Variants in LRRTM1 observed in about 807,000 individuals in gnomAD.
The protein encoded by LRRTM1 is leucine rich repeat transmembrane neuronal 1.
LRRTM1 carries 8 observed loss-of-function variants against 37.3 expected under a neutral mutation model. The ratio of observed to expected loss-of-function variants is 0.21; its 90% CI spans 0.13 to 0.39. The LOEUF is 0.39. Ranked by LOEUF, LRRTM1 falls within the 10% of genes least tolerant of loss-of-function variation. The pLI is 1.00. For missense variants in LRRTM1, 557 were observed against 691.0 expected, an observed-to-expected ratio of 0.81 and a Z score of 2.17; for synonymous variants, 326 against 316.8, an observed-to-expected ratio of 1.03 and a Z score of -0.31.
At chr2:80,296,912 C>A (rs1395898902), downstream of LRRTM1, among the ~76,000 whole-genome samples, 1 of 152,120 alleles carries the variant, frequency 6.6e-6, no homozygotes, top group African/African-American at 2.4e-5. Flanking sequence ...AGAACCAGTA[C>A]CATAGACACA....
chr2:80,299,407 A>G (rs1194432114), downstream of LRRTM1: 1 of 151,814 alleles, frequency 6.6e-6, no homozygotes, highest in Non-Finnish European at 1.5e-5. Flanking sequence ...GCACAGGGGC[A>G]TGAAATGATG....
intron 2 of LRRTM1, among the ~76,000 whole-genome samples, chr2:80,294,077 C>T (rs150484277): frequency 1.4e-4 from 22 of 152,168 alleles, no homozygotes; most frequent in African/African-American, 5.3e-4. Flanking sequence ...CTCATAATGA[C>T]ACAACCAATC....
chr2:80,300,938 C>T (rs1197785689), downstream of LRRTM1, among the ~76,000 whole-genome samples: 4 of 151,220 alleles, frequency 2.6e-5, no homozygotes, highest in Non-Finnish European at 5.9e-5. Context: ...GCAATCATCA[C>T]TCTCAACACA....
downstream of LRRTM1, among the ~76,000 whole-genome samples, chr2:80,300,281 GGTGTGTGTGTGT>G (rs70940079): frequency 0.026 from 2,390 of 93,104 alleles, 72 homozygotes; most frequent in African/African-American, 0.097. Flanking sequence ...GGGGTGTTGG[GGTGTGTGTGTGT>G]GTGTGTGTGT....
downstream of LRRTM1, chr2:80,299,068 G>A (rs546514320): frequency 2.0e-5 from 3 of 152,226 alleles, no homozygotes; most frequent in Admixed American, 1.3e-4. Context: ...AGCTGGGAAG[G>A]TACTGCAAAT....
In LRRTM1 at chr2:80,302,616, G is replaced by T; in HGVS notation, c.1204C>A (p.His402Asn). ...TTLADGGEGQ[H>N]DGTFEPATVA... Reference sequence around the variant, plus strand: ...GTGGCAGGCTCGAATGTGCCGTCGTGCTGCCCCTCCCCGCCGTCCGCGAGC... The same window carrying T: ...GTGGCAGGCTCGAATGTGCCGTCGTTCTGCCCCTCCCCGCCGTCCGCGAGC... The change falls in exon 2 of 2, where the codon CAC becomes AAC. Residue 402 changes from histidine (H) to asparagine (N), a missense_variant. Around this residue, in one of 5 missense-constraint regions of LRRTM1, gnomAD observed 89 missense variants for 80.7 expected, o/e 1.10. Coordinates refer to ENST00000295057, the MANE Select transcript of LRRTM1 (RefSeq NM_178839.5). The surrounding 1 kb of genome is among the most constrained non-coding windows in gnomAD (Gnocchi z 6.4). 3 of 1,605,782 alleles carry T rather than the reference G, an allele frequency of 1.9e-6. No individual in the cohort carries two copies. Among genetic ancestry groups the T allele is most frequent in the Non-Finnish European group, 2.5e-6 (3 of 1,178,496 alleles).
In LRRTM1 at chr2:80,304,390, G is replaced by C. The variant is rs1164570743; in HGVS notation, c.-298C>G. On this transcript the variant is annotated 5_prime_UTR_variant, in exon 1 of 2. Transcript: ENST00000295057. The stretch of plus-strand genomic sequence containing the variant: ...TTCCCAACTACGTGCCGGAGCCCGA[G>C]CTTCGCCTTCCTGCCGCCTTCCTTT... 1 of 152,718 alleles carries C rather than the reference G, an allele frequency of 6.5e-6. No homozygotes were observed. The highest frequency in any genetic ancestry group is 1.9e-4 in the East Asian group (1 of 5,186). 9.5% of individuals were successfully genotyped at this position (152,718 alleles called of 1,614,324 possible). A position where few individuals can be genotyped will look rare whatever the true frequency, so the allele number is the denominator to read the frequency against.
Position 80,303,803 on chromosome 2 carries a change from A to T in LRRTM1, c.17T>A (p.Leu6His). The T allele has an allele frequency of 6.6e-7, 1 of 1,513,368 alleles. No homozygotes were observed. Among genetic ancestry groups the T allele is most frequent in the Middle Eastern group, 1.8e-4 (1 of 5,592 alleles). The allele number at this position is 1,513,368 out of a possible 1,614,324, so 93.7% of individuals were successfully genotyped here. The stretch of plus-strand genomic sequence containing the variant: ...CAGCAGCCAGTATAGACAGAGACCG[A>T]GCAGCAGGAAATCCATTAGCGAGAA... MDFLLLGLCLYWLLRR... is the reference protein window; with the variant it reads MDFLLHGLCLYWLLRR... Residue 6 changes from leucine to histidine, a missense_variant, in exon 2 of 2, where the codon CTC becomes CAC. This residue lies in a region of LRRTM1 where 140 missense variants were observed against 138.1 expected (regional missense o/e 1.01). Coordinates refer to ENST00000295057, the MANE Select transcript of LRRTM1 (RefSeq NM_178839.5). This position sits in a 1 kb window ranked among gnomAD's most constrained non-coding sequence, Gnocchi z 7.7.
In LRRTM1 at chr2:80,302,580, G is replaced by A. The variant is rs780995966; in HGVS notation, c.1240C>T (p.Pro414Ser). 6.2e-7 allele frequency: 1 copy of A among 1,607,486 alleles called. No homozygotes were observed. Among genetic ancestry groups the A allele is most frequent in the Non-Finnish European group, 8.5e-7 (1 of 1,179,190 alleles). The stretch of plus-strand genomic sequence containing the variant: ...GCGTTCTCGGCGTGCTCGCCGCCTG[G>A]AAGAGCCACGGTGGCAGGCTCGAAT... ...GTFEPATVAL[P>S]GGEHAENAVQ... Residue 414 changes from proline to serine, a missense_variant, in exon 2 of 2, where the codon CCA (proline) becomes TCA (serine). Coordinates refer to ENST00000295057, the MANE Select transcript of LRRTM1 (RefSeq NM_178839.5). The surrounding 1 kb of genome is among the most constrained non-coding windows in gnomAD (Gnocchi z 6.4).
In LRRTM1 at chr2:80,303,435, G is replaced by T; in HGVS notation, c.385C>A (p.Pro129Thr). ...TLSSNQITQLPNTTFRPMPNL... is the reference protein window; with the variant it reads ...TLSSNQITQLTNTTFRPMPNL... Reference sequence around the variant, plus strand: ...GGCATGGGCCGGAAGGTGGTGTTGGGCAGTTGGGTGATCTGGTTGGAACTC... The same window carrying T: ...GGCATGGGCCGGAAGGTGGTGTTGGTCAGTTGGGTGATCTGGTTGGAACTC... Residue 129 changes from proline (P) to threonine (T), a missense_variant, in exon 2 of 2, where the codon CCC becomes ACC. By Grantham distance (38) the Pro-to-Thr change is conservative. Transcript: ENST00000295057. This position sits in a 1 kb window ranked among gnomAD's most constrained non-coding sequence, Gnocchi z 7.7. The T allele has an allele frequency of 6.2e-7, 1 of 1,614,222 alleles. No individual in the cohort carries two copies. The highest frequency in any genetic ancestry group is 1.1e-5 in the South Asian group (1 of 91,088).
chr2:80,301,015 C>T (rs550526837), downstream of LRRTM1, among the ~76,000 whole-genome samples: 1 of 152,160 alleles, frequency 6.6e-6, no homozygotes, highest in East Asian at 1.9e-4. Flanking sequence ...GCTTTTCTGT[C>T]CTGGGTTAAC....
intron 2 of LRRTM1, among the ~76,000 whole-genome samples, chr2:80,291,890 C>A (rs1675291531): frequency 6.6e-6 from 1 of 152,196 alleles, no homozygotes; most frequent in African/African-American, 2.4e-5. Flanking sequence ...AAAGGCAAGC[C>A]ACTAAAGAAC....
Position 80,302,411 on chromosome 2 carries a change from T to C in LRRTM1, c.1409A>G (p.Lys470Arg). The change falls in exon 2 of 2, where the codon AAG becomes AGG. Residue 470 changes from lysine to arginine, a missense_variant. Transcript: ENST00000295057. This position sits in a 1 kb window ranked among gnomAD's most constrained non-coding sequence, Gnocchi z 6.4. The part of the protein sequence containing the change: ...LRQCFVTQRR[K>R]QKQKQTMHQM... ...ATGCATGGTCTGTTTCTGCTTTTGC[T>C]TCCTGCGCTGCGTGACAAAGCACTG... The C allele has an allele frequency of 6.2e-7, 1 of 1,614,248 alleles. No individual in the cohort carries two copies. The highest frequency in any genetic ancestry group is 8.5e-7 in the Non-Finnish European group (1 of 1,180,046).
At chr2:80,300,055 C>T (rs1455907494), downstream of LRRTM1, among the ~76,000 whole-genome samples, 2 of 152,232 alleles carry the variant, frequency 1.3e-5, no homozygotes. Flanking sequence ...CTTTTTCCTG[C>T]TACCCCTGCT....
chr2:80,300,281 GGTGT>G (rs70940079), downstream of LRRTM1, among the ~76,000 whole-genome samples: 18,714 of 92,318 alleles, frequency 0.2, 1,399 homozygotes, highest in Non-Finnish European at 0.26. Context: ...GGGGTGTTGG[GGTGT>G]GTGTGTGTGT....
downstream of LRRTM1, chr2:80,298,572 T>C (rs920856724): frequency 9.2e-5 from 14 of 152,216 alleles, no homozygotes; most frequent in Non-Finnish European, 8.8e-5. Flanking sequence ...TGTGTGTACT[T>C]GCTTGGAAAA....
rs895227119 is a variant in LRRTM1, at chr2:80,304,243, C to G, written c.-151G>C. ...GCGAGAGAAGACCCCTCTGTGTTTC[C>G]GAGGCAGCCCCGGTCCGCGGCCGGC... On this transcript the variant is annotated 5_prime_UTR_variant, in exon 1 of 2. Coordinates refer to ENST00000295057, the MANE Select transcript of LRRTM1 (RefSeq NM_178839.5). 2 of 155,898 alleles carry G rather than the reference C, an allele frequency of 1.3e-5. No homozygotes were observed. Among genetic ancestry groups the G allele is most frequent in the African/African-American group, 4.8e-5 (2 of 41,614 alleles). The allele number at this position is 155,898 out of a possible 1,614,324, so 9.7% of individuals were successfully genotyped here. A position where few individuals can be genotyped will look rare whatever the true frequency, so the allele number is the denominator to read the frequency against.
chr2:80,303,946 A>C lies in LRRTM1; in HGVS notation c.-59-68T>G. 5.3e-6 allele frequency: 6 copies of C among 1,132,396 alleles called. No homozygotes were observed. The South Asian group carries it at 1.4e-4, about 26-fold the overall frequency. The allele number at this position is 1,132,396 out of a possible 1,614,324, so 70.1% of individuals were successfully genotyped here. A position where few individuals can be genotyped will look rare whatever the true frequency, so the allele number is the denominator to read the frequency against. On this transcript the variant is annotated intron_variant, in intron 1 of 1. Coordinates refer to ENST00000295057, the MANE Select transcript of LRRTM1 (RefSeq NM_178839.5). The surrounding 1 kb of genome is among the most constrained non-coding windows in gnomAD (Gnocchi z 7.7). ...GGAGAAAAGGGCAAAAAATCAAATA[A>C]ATACATAGAAATAAAGAAGGACCCC...
intron 2 of LRRTM1, among the ~76,000 whole-genome samples, chr2:80,294,219 T>C (rs929854556): frequency 2.6e-5 from 4 of 152,180 alleles, no homozygotes; most frequent in Non-Finnish European, 5.9e-5. Flanking sequence ...CTTCTTGCCT[T>C]AAAAATGGGA....
Sources: gnomAD v4.1 joint callset for allele counts (sites outside exome capture counted in the v4.1 genomes callset) on GRCh38, gnomAD v4.1.1 for gene constraint, gnomAD v4.1.1 regional missense constraint, Gnocchi (gnomAD v3.1) non-coding constraint, MANE v1.5 for transcripts, NCBI Gene and HGNC (gene_info 2026-07-23, HGNC 2026-07-21) for gene names.